Variants in GABRA1 observed in about 807,000 individuals in gnomAD.
GABRA1 encodes gamma-aminobutyric acid type A receptor subunit alpha1, also known as gamma-aminobutyric acid receptor subunit alpha-1.
In GABRA1, 9 loss-of-function variants were observed where a neutral mutation model predicts 48.9. The ratio of observed to expected loss-of-function variants is 0.18; its 90% CI spans 0.11 to 0.32. The LOEUF (loss-of-function observed/expected upper bound fraction) is 0.32. GABRA1 is among the 10% of genes least tolerant of loss of function. The probability of loss-of-function intolerance (pLI) is 1.00; values close to 1 mark genes in which losing one functional copy is unlikely to be tolerated. For missense variants in GABRA1, 285 were observed against 553.8 expected (o/e 0.51, Z 4.87); for synonymous variants, 210 against 198.7 (o/e 1.06, Z -0.48).
chr5:161,882,769 A>G (rs1210307843), intron 7 of GABRA1, 68 bp downstream of exon 7: 13 of 1,435,878 alleles, frequency 9.1e-6, no homozygotes, highest in Non-Finnish European at 1.3e-5. Flanking sequence ...GAACTCAATG[A>G]ATCATTCAGT....
chr5:161,888,161 T>A (rs1433196754), intron 7 of GABRA1, among the ~76,000 whole-genome samples: 1 of 152,150 alleles, frequency 6.6e-6, no homozygotes, highest in Non-Finnish European at 1.5e-5. Context: ...TCCCCTAGAC[T>A]GTTGAAGGAG....
chr5:161,884,240 T>A (rs1354120145), intron 7 of GABRA1, among the ~76,000 whole-genome samples: 1 of 152,140 alleles, frequency 6.6e-6, no homozygotes, highest in African/African-American at 2.4e-5. Flanking sequence ...GGAAAAGATA[T>A]GAAAGTAAGC....
In GABRA1 at chr5:161,869,604, T is replaced by A. The variant is rs187076791; in HGVS notation, c.256-3513T>A. 2.6e-5 allele frequency among the ~76,000 whole-genome samples: 4 copies of A among 152,324 alleles called. No individual in the cohort carries two copies. In the South Asian group the frequency reaches 6.2e-4, roughly 24 times the overall value. ...GCCTTGTTTTCCATAGTGCTTAAAA[T>A]GTATTAAGTCAAAATACACACAGAT... On this transcript the variant is annotated intron_variant, in intron 4 of 9. Transcript: ENST00000393943.
chr5:161,894,657 G>GT (rs952061775), intron 8 of GABRA1, among the ~76,000 whole-genome samples: 6 of 152,132 alleles, frequency 3.9e-5, no homozygotes, highest in East Asian at 1.9e-4. Context: ...AACTGTGACT[G>GT]TTTTTTTAAC....
At chr5:161,876,488 G>T (rs1161563712) in intron 6 of GABRA1, among the ~76,000 whole-genome samples, 1 of 152,124 alleles carries the variant, frequency 6.6e-6, no homozygotes, top group Non-Finnish European at 1.5e-5. Context: ...CAGTCTAAAT[G>T]ACTATTTTGG....
intron 2 of GABRA1, among the ~76,000 whole-genome samples, chr5:161,852,460 G>C (rs1002615957): frequency 1.3e-5 from 2 of 151,888 alleles, no homozygotes; most frequent in East Asian, 1.9e-4. Context: ...GGGTGTTCTA[G>C]CATTTATTTT....
At chr5:161,879,272 C>A (rs569983146) in intron 6 of GABRA1, among the ~76,000 whole-genome samples, 39 of 152,174 alleles carry the variant, frequency 2.6e-4, no homozygotes, top group Non-Finnish European at 5.0e-4. Context: ...TCACACCTGG[C>A]TAATTTTCAA....
chr5:161,871,578 T>G (rs1754123439), intron 4 of GABRA1, among the ~76,000 whole-genome samples: 1 of 152,198 alleles, frequency 6.6e-6, no homozygotes, highest in Admixed American at 6.5e-5. Context: ...TGGAAAATAC[T>G]ATTCTATGCC....
chr5:161,850,343 A>G, intron 1 of GABRA1: 1 of 324,680 alleles, frequency 3.1e-6, no homozygotes, highest in Non-Finnish European at 5.6e-6. Flanking sequence ...ATGTTAACCT[A>G]TCCCCTCCAA....
intron 8 of GABRA1, 29 bp from the exon 9 acceptor site, chr5:161,895,637 A>G (rs1351226101): frequency 6.3e-7 from 1 of 1,584,962 alleles, no homozygotes; most frequent in Admixed American, 1.7e-5. Flanking sequence ...ATGAACTGGC[A>G]TCATGTATGT....
chr5:161,858,795 A>G (rs187650027), intron 3 of GABRA1, among the ~76,000 whole-genome samples: 62 of 151,780 alleles, frequency 4.1e-4, no homozygotes, highest in Non-Finnish European at 7.8e-4. Context: ...CTCCCTGTTA[A>G]TGGTAGTTCC....
chr5:161,895,660 T>A lies in GABRA1; in HGVS notation c.857-6T>A. ...GCATCATGTATGTTTTTTTTTTTCT[T>A]TACAGGAGTAACAACTGTGCTCACC... On this transcript the variant is annotated splice_polypyrimidine_tract_variant and splice_region_variant and intron_variant, in intron 8 of 9. Coordinates refer to ENST00000393943, the MANE Select transcript of GABRA1 (RefSeq NM_001127644.2). 6.2e-7 allele frequency: 1 copy of A among 1,613,290 alleles called. No homozygotes were observed. The highest frequency in any genetic ancestry group is 8.5e-7 in the Non-Finnish European group (1 of 1,179,456).
intron 3 of GABRA1, among the ~76,000 whole-genome samples, chr5:161,857,341 C>A (rs1269289690): frequency 6.6e-6 from 1 of 151,416 alleles, no homozygotes; most frequent in Non-Finnish European, 1.5e-5. Flanking sequence ...CAAGAAACTC[C>A]TGTATTTGCA....
intron 4 of GABRA1, among the ~76,000 whole-genome samples, chr5:161,871,456 C>T (rs1754117892): frequency 6.6e-6 from 1 of 152,154 alleles, no homozygotes; most frequent in African/African-American, 2.4e-5. Context: ...GCTTGTCTGT[C>T]ATCCAGAGAG....
chr5:161,882,764 C>G, intron 7 of GABRA1, 63 bp downstream of exon 7: 1 of 1,460,676 alleles, frequency 6.8e-7, no homozygotes, highest in Non-Finnish European at 9.6e-7. Context: ...TGTGAGAACT[C>G]AATGAATCAT....
intron 5 of GABRA1, among the ~76,000 whole-genome samples, chr5:161,873,831 T>C (rs1754229709): frequency 6.6e-6 from 1 of 152,182 alleles, no homozygotes; most frequent in South Asian, 2.1e-4. Flanking sequence ...TAGATACTAT[T>C]AATTTTGCTC....
rs576187082 is a variant in GABRA1 at position 161,865,692 on chromosome 5, C to T, written c.188-29C>T. 5.7e-6 allele frequency: 9 copies of T among 1,592,332 alleles called. No individual in the cohort carries two copies. The Admixed American group carries it at 8.3e-5, about 15-fold the overall frequency. ...ATCTAATAAGGACGGTTGACAGACACTCACTCGCCCAATTTCCTGCTTCAA... is the reference window on the plus strand; with the variant it reads ...ATCTAATAAGGACGGTTGACAGACATTCACTCGCCCAATTTCCTGCTTCAA... On this transcript the variant is annotated intron_variant, in intron 3 of 9. Coordinates refer to ENST00000393943, the MANE Select transcript of GABRA1 (RefSeq NM_001127644.2).
chr5:161,869,456 G>C (rs896621103), intron 4 of GABRA1, among the ~76,000 whole-genome samples: 20 of 152,102 alleles, frequency 1.3e-4, no homozygotes, highest in Non-Finnish European at 2.2e-4. Context: ...ACTTCATCTG[G>C]AATAGCAAAC....
chr5:161,881,462 G>A (rs573192763), intron 6 of GABRA1, among the ~76,000 whole-genome samples: 1 of 152,088 alleles, frequency 6.6e-6, no homozygotes, highest in African/African-American at 2.4e-5. Context: ...TTAGGAGATG[G>A]CCAAGTTCAA....
Sources: allele counts gnomAD v4.1 joint callset (sites outside exome capture counted in the v4.1 genomes callset), GRCh38; gene constraint gnomAD v4.1.1; transcripts MANE v1.5; gene names NCBI Gene and HGNC (gene_info 2026-07-23, HGNC 2026-07-21).